Variants in CNTN4 observed in about 807,000 individuals in gnomAD.
CNTN4 encodes the protein contactin-4.
CNTN4 carries 77 observed loss-of-function variants against 122.5 expected under a neutral mutation model. That is an observed-to-expected ratio of 0.63 (90% CI 0.52 to 0.76). The LOEUF (loss-of-function observed/expected upper bound fraction) is 0.76, where lower values mean the gene tolerates loss of function less well. CNTN4 is among the 30% of genes least tolerant of loss of function. The pLI, the probability that CNTN4 is intolerant of heterozygous loss-of-function variation, is 0.00. For synonymous variants in CNTN4, 512 were observed against 447.0 expected (o/e 1.15, Z -1.83); for missense variants, 1,256 against 1,259.1 (o/e 1.00, Z 0.04).
intron 2 of CNTN4, among the ~76,000 whole-genome samples, chr3:2,230,196 T>C (rs937838358): frequency 6.6e-6 from 1 of 152,240 alleles, no homozygotes; most frequent in Non-Finnish European, 1.5e-5. Flanking sequence ...GTGGTATTTT[T>C]GCTCCAGTTT....
intron 3 of CNTN4, among the ~76,000 whole-genome samples, chr3:2,412,021 A>G (rs1390592768): frequency 6.6e-6 from 1 of 151,986 alleles, no homozygotes; most frequent in Non-Finnish European, 1.5e-5. Context: ...GACTTCTATC[A>G]CCGTAGATTA....
rs535306436 is a variant in CNTN4 at position 2,920,716 on chromosome 3, G to T, written c.1208-4913G>T. On this transcript the variant is annotated intron_variant, in intron 12 of 24. Transcript: ENST00000418658. ...GGGGACGTATGAAGTTCTTAATCTGGATCAAATACTGTGCTAAGTACTTTA... is the reference window on the plus strand; with the variant it reads ...GGGGACGTATGAAGTTCTTAATCTGTATCAAATACTGTGCTAAGTACTTTA... Among the ~76,000 whole-genome samples, 6 of 152,184 alleles carry T rather than the reference G, an allele frequency of 3.9e-5. No individual in the cohort carries two copies. The East Asian group carries it at 1.2e-3, about 29-fold the overall frequency.
intron 6 of CNTN4, among the ~76,000 whole-genome samples, chr3:2,812,017 G>A (rs1222255005): frequency 6.6e-6 from 1 of 152,114 alleles, no homozygotes; most frequent in Non-Finnish European, 1.5e-5. Context: ...GTTATCCTCA[G>A]CAAATTGACA....
chr3:2,268,741 A>C (rs577985833), intron 2 of CNTN4, among the ~76,000 whole-genome samples: 9 of 152,142 alleles, frequency 5.9e-5, no homozygotes, highest in Non-Finnish European at 1.2e-4. Flanking sequence ...TTTTTATAAC[A>C]TGGTATGCAA....
chr3:2,573,082 T>TA (rs1295130473), intron 4 of CNTN4, among the ~76,000 whole-genome samples: 2 of 152,190 alleles, frequency 1.3e-5, no homozygotes, highest in Non-Finnish European at 2.9e-5. Context: ...ACAAAGCCAG[T>TA]AAGTGGTCGA....
intron 6 of CNTN4, among the ~76,000 whole-genome samples, chr3:2,773,281 A>T (rs751349903): frequency 6.6e-6 from 1 of 152,212 alleles, no homozygotes; most frequent in South Asian, 2.1e-4. Context: ...AAATTTTTGT[A>T]TATTTTAATA....
At chr3:2,114,313 T>C (rs567676212) in intron 2 of CNTN4, among the ~76,000 whole-genome samples, 1 of 151,708 alleles carries the variant, frequency 6.6e-6, no homozygotes, top group South Asian at 2.1e-4. Context: ...ATACAAAAAC[T>C]AGCTGGCGTG....
intron 3 of CNTN4, among the ~76,000 whole-genome samples, chr3:2,469,173 T>C (rs951730025): frequency 6.6e-6 from 1 of 152,230 alleles, no homozygotes; most frequent in Non-Finnish European, 1.5e-5. Context: ...TAAGTTTCGC[T>C]CTTTACTAGA....
intron 6 of CNTN4, among the ~76,000 whole-genome samples, chr3:2,753,768 A>G (rs1332343936): frequency 6.6e-6 from 1 of 152,188 alleles, no homozygotes; most frequent in Non-Finnish European, 1.5e-5. Context: ...AAGTACATCC[A>G]TCATATATTT....
intron 16 of CNTN4, among the ~76,000 whole-genome samples, chr3:3,031,587 C>A (rs1045933280): frequency 1.3e-5 from 2 of 151,710 alleles, no homozygotes; most frequent in African/African-American, 4.8e-5. Context: ...GAGCTATGAC[C>A]CCCCCGGCTG....
chr3:2,164,319 G>T (rs1193349290), intron 2 of CNTN4, among the ~76,000 whole-genome samples: 1 of 152,064 alleles, frequency 6.6e-6, no homozygotes, highest in African/African-American at 2.4e-5. Flanking sequence ...TAACTGGAAG[G>T]CTGAGAAAAT....
At chr3:2,662,845 C>T (rs918242524) in intron 4 of CNTN4, among the ~76,000 whole-genome samples, 19 of 152,218 alleles carry the variant, frequency 1.2e-4, no homozygotes, top group East Asian at 5.8e-4. Flanking sequence ...GTAATCCCAG[C>T]GCTTTGGGAG....
intron 3 of CNTN4, among the ~76,000 whole-genome samples, chr3:2,429,469 A>C (rs1175679264): frequency 6.6e-6 from 1 of 152,172 alleles, no homozygotes; most frequent in East Asian, 1.9e-4. Context: ...GCACCCGGCC[A>C]TATGAGGTGT....
chr3:2,140,118 G>C (rs1224450754), intron 2 of CNTN4, among the ~76,000 whole-genome samples: 1 of 152,092 alleles, frequency 6.6e-6, no homozygotes, highest in African/African-American at 2.4e-5. Context: ...CTTCTCCTTT[G>C]CCTTCCACCA....
chr3:2,594,162 TTGTC>T (rs2080643910), intron 4 of CNTN4, among the ~76,000 whole-genome samples: 1 of 152,164 alleles, frequency 6.6e-6, no homozygotes, highest in Non-Finnish European at 1.5e-5. Context: ...TGTTGGCTCT[TTGTC>T]TGGCATTTGA....
intron 6 of CNTN4, among the ~76,000 whole-genome samples, chr3:2,754,566 C>T (rs6802732): frequency 6.6e-6 from 1 of 152,008 alleles, no homozygotes; most frequent in African/African-American, 2.4e-5. Flanking sequence ...TCTCTACCCT[C>T]TGAGCATGTG....
At chr3:2,112,113 T>C (rs11713741) in intron 2 of CNTN4, among the ~76,000 whole-genome samples, 36,962 of 151,974 alleles carry the variant, frequency 0.24, 4,630 homozygotes, top group East Asian at 0.47. Context: ...TTTGAGATTT[T>C]ATTTTGGAGA....
At position 3,026,033 on chromosome 3, in the gene CNTN4, T is replaced by C. The variant is rs915518063; in HGVS notation, c.1487-69T>C. On this transcript the variant is annotated intron_variant, in intron 14 of 24. Transcript: ENST00000418658. ...AGTATTTCATCCTGCTCTTGGAGTCTACATTGTATTTCCACACAAGCTCAC... is the reference window on the plus strand; with the variant it reads ...AGTATTTCATCCTGCTCTTGGAGTCCACATTGTATTTCCACACAAGCTCAC... 3 of 1,431,758 alleles carry C rather than the reference T, an allele frequency of 2.1e-6. No homozygotes were observed. In the African/African-American group the frequency reaches 4.2e-5, roughly 20 times the overall value. 88.7% of individuals were successfully genotyped at this position (1,431,758 alleles called of 1,614,324 possible). A position where few individuals can be genotyped will look rare whatever the true frequency, so the allele number is the denominator to read the frequency against.
At chr3:2,345,352 G>A (rs2044363594) in intron 3 of CNTN4, among the ~76,000 whole-genome samples, 1 of 152,050 alleles carries the variant, frequency 6.6e-6, no homozygotes, top group Non-Finnish European at 1.5e-5. Flanking sequence ...AAATATAAGG[G>A]ATAATTGTGT....
Sources: allele counts gnomAD v4.1 joint callset (sites outside exome capture counted in the v4.1 genomes callset), GRCh38; gene constraint gnomAD v4.1.1; transcripts MANE v1.5; gene names NCBI Gene and HGNC (gene_info 2026-07-23, HGNC 2026-07-21).